The following PTPRJ variants were observed in gnomAD, a reference collection of about 807,000 sequenced individuals.
PTPRJ encodes protein tyrosine phosphatase receptor type J, also known as receptor-type tyrosine-protein phosphatase eta.
PTPRJ carries 129 observed loss-of-function variants against 141.3 expected under a neutral mutation model. That is an observed-to-expected ratio of 0.91 (90% confidence interval 0.79 to 1.06). The LOEUF is 1.06. Ranked by LOEUF, PTPRJ falls within the 50% of genes least tolerant of loss-of-function variation. PTPRJ has a pLI of 0.00. For missense variants in PTPRJ, 1,601 were observed against 1,679.7 expected, an observed-to-expected ratio of 0.95 and a Z score of 0.82; for synonymous variants, 610 against 640.5, an observed-to-expected ratio of 0.95 and a Z score of 0.72.
chr11:48,005,327 C>T lies in PTPRJ; in HGVS notation c.96+24319C>T, dbSNP rs532842501. On this transcript the variant is annotated intron_variant, in intron 1 of 24. Coordinates refer to ENST00000418331, the MANE Select transcript of PTPRJ (RefSeq NM_002843.4). ...TATTTTCGTTACTCACAAAAGAAAC[C>T]CCATGCCCACGAGTGCTCACTCCTG... 3.3e-5 allele frequency among the ~76,000 whole-genome samples: 5 copies of T among 152,238 alleles called. No individual in the cohort carries two copies. In the South Asian group the frequency reaches 1.0e-3, roughly 32 times the overall value.
At position 48,136,313 on chromosome 11, in the gene PTPRJ, G is replaced by A; in HGVS notation, c.1873+17G>A. 6.2e-7 allele frequency: 1 copy of A among 1,610,388 alleles called. No homozygotes were observed. The highest frequency in any genetic ancestry group is 8.5e-7 in the Non-Finnish European group (1 of 1,177,716). On this transcript the variant is annotated intron_variant, in intron 9 of 24. Transcript: ENST00000418331. Reference sequence around the variant, plus strand: ...AGTACACACGTAAGTCTCTTAGGATGCCCTTCTAAGGAACAGCCTCTCTAA... The same window carrying A: ...AGTACACACGTAAGTCTCTTAGGATACCCTTCTAAGGAACAGCCTCTCTAA...
intron 1 of PTPRJ, among the ~76,000 whole-genome samples, chr11:47,981,983 G>T (rs1853922869): frequency 6.6e-6 from 1 of 152,224 alleles, no homozygotes; most frequent in South Asian, 2.1e-4. Flanking sequence ...CATCTTGCTT[G>T]TTTTATACAG....
intron 8 of PTPRJ, among the ~76,000 whole-genome samples, chr11:48,134,368 C>G (rs1283761573): frequency 6.6e-6 from 1 of 151,946 alleles, no homozygotes; most frequent in Non-Finnish European, 1.5e-5. Flanking sequence ...TGCCCACAGC[C>G]CTCCCCATGT....
intron 1 of PTPRJ, 82 bp downstream of exon 1, chr11:47,981,090 C>G (rs1177150399): frequency 8.6e-7 from 1 of 1,166,182 alleles, no homozygotes; most frequent in Admixed American, 4.6e-5. Flanking sequence ...GCGTACCCCC[C>G]CGGGGGGTTC....
intron 1 of PTPRJ, among the ~76,000 whole-genome samples, chr11:48,011,984 C>T (rs977297819): frequency 6.6e-6 from 1 of 152,010 alleles, no homozygotes; most frequent in Admixed American, 6.6e-5. Flanking sequence ...AAAATACTTG[C>T]TTAAGGAGAG....
At chr11:48,094,808 A>G (rs1433219039) in intron 1 of PTPRJ, among the ~76,000 whole-genome samples, 1 of 152,168 alleles carries the variant, frequency 6.6e-6, no homozygotes. Flanking sequence ...CTTTGGGTCA[A>G]CTTCAGGGTA....
chr11:48,084,777 T>G (rs1855653147), intron 1 of PTPRJ, among the ~76,000 whole-genome samples: 1 of 152,186 alleles, frequency 6.6e-6, no homozygotes, highest in African/African-American at 2.4e-5. Flanking sequence ...GTATTTTAAA[T>G]TTAGGTACAC....
At chr11:48,115,716 A>G (rs1400356851) in intron 3 of PTPRJ, among the ~76,000 whole-genome samples, 2 of 152,216 alleles carry the variant, frequency 1.3e-5, no homozygotes, top group Non-Finnish European at 2.9e-5. Context: ...TTAAAAAATA[A>G]TAACTACAAT....
chr11:48,165,116 C>T (rs1857888035), intron 24 of PTPRJ, among the ~76,000 whole-genome samples: 1 of 152,208 alleles, frequency 6.6e-6, no homozygotes, highest in Non-Finnish European at 1.5e-5. Flanking sequence ...CTTAGGACAT[C>T]TTTGAACTTT....
At chr11:48,120,456 G>C (rs11039525) in intron 3 of PTPRJ, among the ~76,000 whole-genome samples, 2 of 151,950 alleles carry the variant, frequency 1.3e-5, no homozygotes, top group South Asian at 2.1e-4. Flanking sequence ...ATGGAGTCTC[G>C]GTCTTGTCGC....
At chr11:48,000,982 ATTTTTT>A (rs1002159076) in intron 1 of PTPRJ, among the ~76,000 whole-genome samples, 1 of 122,882 alleles carries the variant, frequency 8.1e-6, no homozygotes, top group Non-Finnish European at 1.7e-5. Context: ...GTCCCATATA[ATTTTTT>A]TTTTTTTTTT....
intron 1 of PTPRJ, among the ~76,000 whole-genome samples, chr11:48,047,324 A>G (rs1854434009): frequency 6.6e-6 from 1 of 152,164 alleles, no homozygotes; most frequent in Non-Finnish European, 1.5e-5. Flanking sequence ...AGTTGCTAAC[A>G]AGTAAAGTGA....
chr11:48,136,003 AAC>A (rs1258458147), intron 8 of PTPRJ, 34 bp from the exon 9 acceptor site: 3 of 1,598,354 alleles, frequency 1.9e-6, no homozygotes, highest in African/African-American at 1.3e-5. Flanking sequence ...TCATGATAGT[AAC>A]AGTTTTCCCT....
chr11:48,167,657 T>C lies in PTPRJ; in HGVS notation c.*295T>C. ...GAAAACCAGGAAAAGGGAGCTATGA[T>C]TTTTTTTTCCAAAACAATTTCTTTT... On this transcript the variant is annotated 3_prime_UTR_variant, in exon 25 of 25. Transcript: ENST00000418331. 1 of 261,198 alleles carries C rather than the reference T, an allele frequency of 3.8e-6. No individual in the cohort carries two copies. Among genetic ancestry groups the C allele is most frequent in the Non-Finnish European group, 7.1e-6 (1 of 140,298 alleles). The allele number at this position is 261,198 out of a possible 1,614,324, so 16.2% of individuals were successfully genotyped here.
chr11:48,029,013 G>A (rs1853904132), intron 1 of PTPRJ, among the ~76,000 whole-genome samples: 1 of 152,240 alleles, frequency 6.6e-6, no homozygotes, highest in African/African-American at 2.4e-5. Context: ...GGTAGTATGT[G>A]CTGTGTGACA....
chr11:47,992,944 C>G (rs574480361), intron 1 of PTPRJ, among the ~76,000 whole-genome samples: 1 of 152,078 alleles, frequency 6.6e-6, no homozygotes, highest in Non-Finnish European at 1.5e-5. Flanking sequence ...AGTCACTGTT[C>G]CAGGGAATGG....
chr11:48,156,017 A>T lies in PTPRJ; in HGVS notation c.3336A>T (p.Thr1112=), dbSNP rs1249939796. Reference sequence around the variant, plus strand: ...ACTCCAAGAAAGATTTTATTGCCACACAAGGACCTTTACCGAACACTTTGA... The same window carrying T: ...ACTCCAAGAAAGATTTTATTGCCACTCAAGGACCTTTACCGAACACTTTGA... ...GYHSKKDFIA[T]QGPLPNTLKD... is the part of the protein sequence containing the mutation. Residue 1112 remains threonine, a synonymous_variant, in exon 21 of 25, where the codon ACA becomes ACT. Transcript: ENST00000418331. The T allele has an allele frequency of 1.9e-6, 3 of 1,609,128 alleles. No homozygotes were observed. The African/African-American group carries it at 4.0e-5, about 22-fold the overall frequency.
At chr11:47,995,964 G>T (rs1186213384) in intron 1 of PTPRJ, among the ~76,000 whole-genome samples, 1 of 151,876 alleles carries the variant, frequency 6.6e-6, no homozygotes, top group Non-Finnish European at 1.5e-5. Context: ...CTTGAGCCCG[G>T]GAGGCACAGG....
Position 48,112,904 on chromosome 11 carries a change from A to G in PTPRJ, c.273A>G (p.Gly91=), listed in dbSNP as rs139633857. 6.2e-7 allele frequency: 1 copy of G among 1,614,074 alleles called. No homozygotes were observed. Among genetic ancestry groups the G allele is most frequent in the Non-Finnish European group, 8.5e-7 (1 of 1,180,032 alleles). ...TNTSEDGESS[G]ANDSLRTPEQ... is the part of the protein sequence containing the mutation. ...CCAGTGAGGATGGTGAAAGCTCTGG[A>G]GCCAACGATAGTTTAAGAACACCTG... is the stretch of plus-strand genomic sequence containing the variant. Residue 91 remains glycine, a synonymous_variant, in exon 3 of 25, where the codon GGA becomes GGG. Transcript: ENST00000418331.
Sources: gnomAD v4.1 joint callset for allele counts (sites outside exome capture counted in the v4.1 genomes callset) on GRCh38, gnomAD v4.1.1 for gene constraint, MANE v1.5 for transcripts, NCBI Gene and HGNC (gene_info 2026-07-23, HGNC 2026-07-21) for gene names.